BAIAP2: variants seen among roughly 807,000 people sequenced by gnomAD.
The protein encoded by BAIAP2 is BAR/IMD domain-containing adapter protein 2.
Under a neutral mutation model 63.0 loss-of-function variants are expected in BAIAP2, and 18 were observed. The ratio of observed to expected loss-of-function variants is 0.29; its 90% CI spans 0.20 to 0.42. The LOEUF is 0.42. BAIAP2 is among the 10% of genes least tolerant of loss of function. The pLI is 1.00. For missense variants in BAIAP2, 610 were observed against 734.3 expected (o/e 0.83, Z 1.96); for synonymous variants, 386 against 307.6 (o/e 1.25, Z -2.67).
intron 3 of BAIAP2, among the ~76,000 whole-genome samples, chr17:81,060,478 T>C (rs1025425692): frequency 7.2e-5 from 11 of 152,186 alleles, no homozygotes; most frequent in Non-Finnish European, 1.6e-4. Flanking sequence ...CCCTTTTCCC[T>C]GAGCACATGT....
At chr17:81,109,924 G>T in intron 13 of BAIAP2, 1 of 985,374 alleles carries the variant, frequency 1.0e-6, no homozygotes, top group Middle Eastern at 5.2e-4. Flanking sequence ...GGCAGCTCTG[G>T]GCACGCCGCA....
intron 13 of BAIAP2, among the ~76,000 whole-genome samples, chr17:81,114,322 G>A (rs924774871): frequency 5.9e-5 from 9 of 151,954 alleles, no homozygotes; most frequent in African/African-American, 1.5e-4. Flanking sequence ...CTGGGCCTGC[G>A]GAGGAACTCG....
intron 1 of BAIAP2, 51 bp downstream of exon 1, chr17:81,035,359 G>T (rs747705323): frequency 8.6e-7 from 1 of 1,167,870 alleles, no homozygotes; most frequent in Non-Finnish European, 1.1e-6. Context: ...CGCCTGGGTC[G>T]CGCGCCGCCC....
intron 3 of BAIAP2, among the ~76,000 whole-genome samples, chr17:81,062,124 T>G (rs2050661304): frequency 6.6e-6 from 1 of 152,100 alleles, no homozygotes. Flanking sequence ...TGTATTTGTA[T>G]ATTTTTAGTG....
intron 6 of BAIAP2, 90 bp downstream of exon 6, chr17:81,086,670 AG>A: frequency 2.0e-6 from 3 of 1,474,200 alleles, no homozygotes; most frequent in Admixed American, 1.8e-5. Flanking sequence ...AGTGGACAGC[AG>A]CCCCCCAGGT....
At chr17:81,041,400 C>G (rs1276497438) in intron 1 of BAIAP2, among the ~76,000 whole-genome samples, 1 of 152,192 alleles carries the variant, frequency 6.6e-6, no homozygotes, top group Non-Finnish European at 1.5e-5. Flanking sequence ...ACCATGAGAT[C>G]TGATGTCCTG....
At position 81,082,200 on chromosome 17, in the gene BAIAP2, GC is replaced by G. The variant is rs1451671067; in HGVS notation, c.218-2630del. ...AGAGTGGAGGGAGACTCGGGTCACG[GC>G]CAGGCACACACAGCCACACACACAT... On this transcript the variant is annotated intron_variant, in intron 3 of 13. Coordinates refer to ENST00000428708, the MANE Select transcript of BAIAP2 (RefSeq NM_001144888.2). Among the ~76,000 whole-genome samples the G allele has an allele frequency of 2.6e-5, 4 of 152,220 alleles. No homozygotes were observed. The East Asian group carries it at 7.7e-4, about 29-fold the overall frequency.
intron 1 of BAIAP2, among the ~76,000 whole-genome samples, chr17:81,050,834 TC>T (rs1399778094): frequency 6.8e-6 from 1 of 146,802 alleles, no homozygotes; most frequent in Non-Finnish European, 1.5e-5. Flanking sequence ...AACACTAGAG[TC>T]GGCCGCATCC....
chr17:81,043,939 CAG>C (rs1030314880), intron 1 of BAIAP2, among the ~76,000 whole-genome samples: 1 of 152,254 alleles, frequency 6.6e-6, no homozygotes, highest in Non-Finnish European at 1.5e-5. Flanking sequence ...TTTCCTGGCA[CAG>C]AGAGTACTGG....
At chr17:81,058,297 T>C (rs2049969654) in intron 3 of BAIAP2, among the ~76,000 whole-genome samples, 1 of 152,192 alleles carries the variant, frequency 6.6e-6, no homozygotes, top group Non-Finnish European at 1.5e-5. Flanking sequence ...AATTCATTCC[T>C]GGTATTAAAA....
chr17:81,098,517 A>C (rs2058025272), intron 6 of BAIAP2, among the ~76,000 whole-genome samples: 1 of 152,022 alleles, frequency 6.6e-6, no homozygotes, highest in Admixed American at 6.6e-5. Flanking sequence ...TAGCGCATTC[A>C]TGGGGTTGTG....
At chr17:81,069,918 G>T (rs1451632555) in intron 3 of BAIAP2, among the ~76,000 whole-genome samples, 1 of 152,176 alleles carries the variant, frequency 6.6e-6, no homozygotes, top group East Asian at 1.9e-4. Flanking sequence ...TACCCAGGAA[G>T]ATTGGAGGGT....
intron 1 of BAIAP2, chr17:81,036,999 C>G (rs945659997): frequency 1.3e-6 from 2 of 1,493,130 alleles, no homozygotes; most frequent in Non-Finnish European, 1.8e-6. Context: ...GGGGACCGAC[C>G]CCGTGATCGT....
At chr17:81,072,705 C>T (rs1030743949) in intron 3 of BAIAP2, among the ~76,000 whole-genome samples, 3 of 152,120 alleles carry the variant, frequency 2.0e-5, no homozygotes, top group Non-Finnish European at 4.4e-5. Flanking sequence ...GGCGGGCGGA[C>T]GCTGTCTGGC....
At position 81,104,106 on chromosome 17, in the gene BAIAP2, C is replaced by T; in HGVS notation, c.1064C>T (p.Thr355Ile). The T allele has an allele frequency of 1.2e-6, 2 of 1,613,154 alleles. No individual in the cohort carries two copies. Among genetic ancestry groups the T allele is most frequent in the Non-Finnish European group, 8.5e-7 (1 of 1,179,946 alleles). The change falls in exon 9 of 14, where the codon ACC (threonine) becomes ATC (isoleucine). Residue 355 changes from threonine to isoleucine, a missense_variant and splice_region_variant. By Grantham distance (89) the Thr-to-Ile change is moderately conservative. This residue lies in a region of BAIAP2 where 67 missense variants were observed against 132.0 expected (regional missense o/e 0.51). Transcript: ENST00000428708. ...KSVTPKNSYA[T>I]TENKTLPRSS... ...GTGACCCCAAAAAACAGCTATGCCA[C>T]CAGTAAGGGCTCCGCTGGGGTGTTG...
Position 81,041,064 on chromosome 17 carries a change from A to C in BAIAP2, c.54+5756A>C, listed in dbSNP as rs2047009473. 2.0e-5 allele frequency among the ~76,000 whole-genome samples: 3 copies of C among 152,204 alleles called. No homozygotes were observed. The South Asian group carries it at 6.2e-4, about 31-fold the overall frequency. On this transcript the variant is annotated intron_variant, in intron 1 of 13. Transcript: ENST00000428708. The stretch of plus-strand genomic sequence containing the variant: ...AGTGGCGCCCCCAGCACCTCCCTCA[A>C]GTTAACCCCCATCTGCCCCTGGTCT...
chr17:81,064,930 C>G (rs1001379889), intron 3 of BAIAP2, among the ~76,000 whole-genome samples: 1 of 152,212 alleles, frequency 6.6e-6, no homozygotes, highest in Non-Finnish European at 1.5e-5. Flanking sequence ...TCTCACAGCC[C>G]TTCTAATCCC....
intron 6 of BAIAP2, among the ~76,000 whole-genome samples, chr17:81,087,245 A>T (rs1488503000): frequency 6.6e-6 from 1 of 152,232 alleles, no homozygotes; most frequent in Non-Finnish European, 1.5e-5. Flanking sequence ...CCAGTCACCC[A>T]GGTAGAAGCT....
chr17:81,062,648 T>G (rs1217312598), intron 3 of BAIAP2, among the ~76,000 whole-genome samples: 2 of 151,848 alleles, frequency 1.3e-5, no homozygotes, highest in Non-Finnish European at 1.5e-5. Flanking sequence ...TTACTGTTCC[T>G]GTATTACTCC....
Sources: gnomAD v4.1 joint callset for allele counts (sites outside exome capture counted in the v4.1 genomes callset) on GRCh38, gnomAD v4.1.1 for gene constraint, gnomAD v4.1.1 regional missense constraint, MANE v1.5 for transcripts, NCBI Gene and HGNC (gene_info 2026-07-23, HGNC 2026-07-21) for gene names.